LYST: variants seen among roughly 807,000 people sequenced by gnomAD.
LYST encodes the protein lysosomal trafficking regulator.
Under a neutral mutation model 413.6 loss-of-function variants are expected in LYST, and 192 were observed. The ratio of observed to expected loss-of-function variants is 0.46; its 90% CI spans 0.41 to 0.52. LYST has a LOEUF of 0.52. Ranked by LOEUF, LYST falls within the 20% of genes least tolerant of loss-of-function variation. The pLI is 0.00. For synonymous variants in LYST, 1,525 were observed against 1,567.3 expected (o/e 0.97, Z 0.64); for missense variants, 3,815 against 4,499.9 (o/e 0.85, Z 4.35).
chr1:235,736,127 T>C (rs2103231367), intron 31 of LYST: 1 of 152,254 alleles, frequency 6.6e-6, no homozygotes, highest in South Asian at 2.1e-4. Context: ...TATCTCATTT[T>C]AATACCCTCT....
chr1:235,731,261 AG>A, intron 34 of LYST, 84 bp from the exon 35 acceptor site: 1 of 1,175,176 alleles, frequency 8.5e-7, no homozygotes. Flanking sequence ...AGATTGAGTA[AG>A]TAAGTCACAA....
chr1:235,681,555 C>G (rs1659815362), intron 48 of LYST, among the ~76,000 whole-genome samples: 1 of 152,084 alleles, frequency 6.6e-6, no homozygotes, highest in South Asian at 2.1e-4. Flanking sequence ...GGCCAGGACA[C>G]CAGTGAGAAG....
intron 39 of LYST, among the ~76,000 whole-genome samples, chr1:235,721,319 T>TA (rs1354506107): frequency 6.6e-6 from 1 of 152,208 alleles, no homozygotes; most frequent in East Asian, 1.9e-4. Context: ...GTGCTACAGT[T>TA]ACCATGTCTA....
intron 1 of LYST, among the ~76,000 whole-genome samples, chr1:235,849,478 ACCACT>A (rs1297389288): frequency 6.6e-6 from 1 of 151,968 alleles, no homozygotes; most frequent in East Asian, 1.9e-4. Context: ...GCCCACTCTC[ACCACT>A]CCCCTTCAAC....
At chr1:235,824,461 G>A (rs1675106868) in intron 3 of LYST, among the ~76,000 whole-genome samples, 1 of 152,296 alleles carries the variant, frequency 6.6e-6, no homozygotes, top group Non-Finnish European at 1.5e-5. Flanking sequence ...CCAGCTGAAT[G>A]TCCTTATGTT....
intron 1 of LYST, among the ~76,000 whole-genome samples, chr1:235,844,774 A>G (rs1225495699): frequency 2.0e-5 from 3 of 146,404 alleles, no homozygotes; most frequent in African/African-American, 2.5e-5. Flanking sequence ...AAAGAGGGGG[A>G]GGGGGAAACT....
intron 38 of LYST, 64 bp downstream of exon 38, chr1:235,728,012 T>A (rs919205024): frequency 7.8e-6 from 9 of 1,149,196 alleles, no homozygotes; most frequent in Admixed American, 1.7e-5. Context: ...CTAGTTATAC[T>A]GAATTGATAC....
At chr1:235,720,299 C>A (rs1217585129) in intron 40 of LYST, among the ~76,000 whole-genome samples, 4 of 149,690 alleles carry the variant, frequency 2.7e-5, no homozygotes, top group Non-Finnish European at 5.9e-5. Flanking sequence ...TTGAGAGAAG[C>A]AGGGGACATT....
Position 235,809,187 on chromosome 1 carries a change from G to A in LYST, c.1631C>T (p.Pro544Leu). Residue 544 changes from proline to leucine, a missense_variant, in exon 5 of 53, where the codon CCT becomes CTT. Physicochemically the swap from Pro to Leu is moderately conservative, Grantham distance 98 (BLOSUM62 -3). Around this residue, in one of 4 missense-constraint regions of LYST, gnomAD observed 1,648 missense variants for 1,810.3 expected, o/e 0.91. Transcript: ENST00000389793. The surrounding 1 kb of genome is among the most constrained non-coding windows in gnomAD (Gnocchi z 4.0). The part of the protein sequence containing the change: ...EETADGDVYY[P>L]ERCCCIAVCA... ...CACTGCAATGCAACAGCACCGCTCAGGATAATAAACATCTCCATCTGCAGT... is the reference window on the plus strand; with the variant it reads ...CACTGCAATGCAACAGCACCGCTCAAGATAATAAACATCTCCATCTGCAGT... 1 of 1,613,944 alleles carries A rather than the reference G, an allele frequency of 6.2e-7. No homozygotes were observed. Among genetic ancestry groups the A allele is most frequent in the South Asian group, 1.1e-5 (1 of 91,076 alleles).
At chr1:235,874,381 T>C (rs1211068558) in intron 1 of LYST, among the ~76,000 whole-genome samples, 2 of 152,188 alleles carry the variant, frequency 1.3e-5, no homozygotes, top group South Asian at 2.1e-4. Flanking sequence ...CAAGCAACTA[T>C]AGTCGAGGGA....
chr1:235,678,160 T>C (rs1361783259), intron 48 of LYST, among the ~76,000 whole-genome samples: 1 of 152,072 alleles, frequency 6.6e-6, no homozygotes, highest in Non-Finnish European at 1.5e-5. Flanking sequence ...GAAATACTTC[T>C]GTAAAAAAAA....
chr1:235,829,753 T>G (rs1489740361), intron 3 of LYST: 1 of 153,408 alleles, frequency 6.5e-6, no homozygotes, highest in African/African-American at 2.4e-5. Context: ...CCAAAAACGT[T>G]TGATAAATTA....
chr1:235,868,988 C>T (rs560769970), upstream of LYST, among the ~76,000 whole-genome samples: 1 of 152,232 alleles, frequency 6.6e-6, no homozygotes, highest in East Asian at 1.9e-4. Context: ...AGACACCGCT[C>T]CTGGCCTCGG....
chr1:235,723,177 A>G (rs951147567), intron 39 of LYST, among the ~76,000 whole-genome samples: 2 of 152,176 alleles, frequency 1.3e-5, no homozygotes, highest in African/African-American at 4.8e-5. Flanking sequence ...TGAGATAGAG[A>G]AAACTGGAAG....
chr1:235,791,324 T>C (rs1670966833), intron 12 of LYST, among the ~76,000 whole-genome samples: 1 of 151,618 alleles, frequency 6.6e-6, no homozygotes, highest in Non-Finnish European at 1.5e-5. Flanking sequence ...GACTGTCTAA[T>C]AGGGGCTGGG....
In LYST at chr1:235,697,175, T is replaced by C. The variant is rs1661180611; in HGVS notation, c.10472A>G (p.Glu3491Gly). The part of the protein sequence containing the change: ...PVVCFSQPHG[E>G]RFGSLQALPT... ...CAGAGCCTGGAGAGAGCCAAATCTT[T>C]CTCCGTGGGGCTGGCTGAAGCAGAC... Residue 3491 changes from glutamate (E) to glycine (G), a missense_variant, in exon 46 of 53, where the codon GAA becomes GGA. Glu to Gly is a moderately conservative substitution (Grantham distance 98, BLOSUM62 -2). Transcript: ENST00000389793. 1 of 1,614,074 alleles carries C rather than the reference T, an allele frequency of 6.2e-7. No homozygotes were observed. Among genetic ancestry groups the C allele is most frequent in the Non-Finnish European group, 8.5e-7 (1 of 1,180,036 alleles).
chr1:235,872,701 G>C (rs1440852366), intron 1 of LYST, among the ~76,000 whole-genome samples: 2 of 152,058 alleles, frequency 1.3e-5, no homozygotes, highest in Non-Finnish European at 2.9e-5. Flanking sequence ...GTTCACTTGA[G>C]TTCAGGAGTT....
intron 47 of LYST, among the ~76,000 whole-genome samples, chr1:235,689,846 C>T (rs1399529728): frequency 6.6e-6 from 1 of 152,094 alleles, no homozygotes; most frequent in Non-Finnish European, 1.5e-5. Flanking sequence ...TTTTAAACAA[C>T]TTTATTCAAG....
intron 2 of LYST, among the ~76,000 whole-genome samples, chr1:235,832,519 T>A (rs2103008212): frequency 6.6e-6 from 1 of 152,314 alleles, no homozygotes; most frequent in South Asian, 2.1e-4. Flanking sequence ...CATGTTTATA[T>A]GAATAGGTTA....
Sources: gnomAD v4.1 joint callset for allele counts (sites outside exome capture counted in the v4.1 genomes callset) on GRCh38, gnomAD v4.1.1 for gene constraint, gnomAD v4.1.1 regional missense constraint, Gnocchi (gnomAD v3.1) non-coding constraint, MANE v1.5 for transcripts, NCBI Gene and HGNC (gene_info 2026-07-23, HGNC 2026-07-21) for gene names.